Variants in TAS1R1 observed in about 807,000 individuals in gnomAD.
TAS1R1 encodes the protein taste 1 receptor member 1, also known as taste receptor type 1 member 1.
TAS1R1 carries 31 observed loss-of-function variants against 45.8 expected under a neutral mutation model. The observed-to-expected ratio is 0.68, with a 90% CI of 0.51 to 0.91. TAS1R1 has a LOEUF of 0.91. TAS1R1 is among the 40% of genes least tolerant of loss of function. TAS1R1 has a pLI of 0.00. For missense variants in TAS1R1, 1,051 were observed against 1,063.9 expected (o/e 0.99, Z 0.17); for synonymous variants, 437 against 448.4 (o/e 0.97, Z 0.32).
intron 1 of TAS1R1, among the ~76,000 whole-genome samples, chr1:6,561,742 T>C (rs188471714): frequency 5.4e-5 from 8 of 147,810 alleles, no homozygotes; most frequent in South Asian, 2.1e-4. Flanking sequence ...CTATTTGGGA[T>C]TGGAGAGTAA....
rs1263899622 is a variant in TAS1R1 at position 6,576,900 on chromosome 1, G to A, written c.1474-50G>A. The stretch of plus-strand genomic sequence containing the variant: ...ATTCTGTTTTCTGTTCCACATGTGA[G>A]CTGTCCTTTGACTTGGGCCCCTACG... On this transcript the variant is annotated intron_variant, in intron 4 of 5. Transcript: ENST00000333172. The A allele has an allele frequency of 3.1e-6, 5 of 1,613,406 alleles. No homozygotes were observed. The African/African-American group carries it at 5.3e-5, about 17-fold the overall frequency.
intron 1 of TAS1R1, among the ~76,000 whole-genome samples, chr1:6,557,334 G>A (rs896985423): frequency 6.6e-5 from 10 of 152,080 alleles, no homozygotes; most frequent in Non-Finnish European, 1.3e-4. Flanking sequence ...TCCGTTGAGA[G>A]ACTCGGGACA....
At chr1:6,573,054 C>A (rs1029146581) in intron 2 of TAS1R1, among the ~76,000 whole-genome samples, 4 of 152,340 alleles carry the variant, frequency 2.6e-5, no homozygotes, top group Non-Finnish European at 4.4e-5. Flanking sequence ...ACCAGCATCA[C>A]CCCTCAGCTA....
At chr1:6,562,219 A>G (rs905137269) in intron 1 of TAS1R1, among the ~76,000 whole-genome samples, 3 of 152,174 alleles carry the variant, frequency 2.0e-5, no homozygotes, top group Non-Finnish European at 4.4e-5. Context: ...CCCAGGCTAG[A>G]GTGTAATGCC....
intron 2 of TAS1R1, among the ~76,000 whole-genome samples, chr1:6,571,766 G>A (rs2148673043): frequency 6.6e-6 from 1 of 152,266 alleles, no homozygotes; most frequent in Non-Finnish European, 1.5e-5. Flanking sequence ...GTTGCAGTGA[G>A]CTGAGATTGC....
In TAS1R1 at chr1:6,576,999, TGGTTACG is replaced by T; in HGVS notation, c.1528_1534del (p.Thr510SerfsTer81). On this transcript the variant is annotated frameshift_variant, in exon 5 of 6. Transcript: ENST00000333172. LOFTEE classifies it high-confidence loss of function. ...GACTGTCTTGAAGGGCACCAGCGAG[TGGTTACG>T]GGTTTCCATCACTGCTGCTTTGAGT... 6.2e-7 allele frequency: 1 copy of T among 1,614,168 alleles called. No individual in the cohort carries two copies. The highest frequency in any genetic ancestry group is 8.5e-7 in the Non-Finnish European group (1 of 1,180,022).
At chr1:6,570,579 G>A (rs1016143925) in intron 1 of TAS1R1, among the ~76,000 whole-genome samples, 6 of 152,248 alleles carry the variant, frequency 3.9e-5, no homozygotes, top group African/African-American at 1.4e-4. Flanking sequence ...GGCCTGTCCT[G>A]TAAAATTTGA....
intron 5 of TAS1R1, among the ~76,000 whole-genome samples, chr1:6,577,529 A>G (rs1285666838): frequency 2.1e-5 from 3 of 143,356 alleles, no homozygotes; most frequent in African/African-American, 7.9e-5. Context: ...TCGTCCCCCC[A>G]AAAAAAGAAA....
Position 6,574,603 on chromosome 1 carries a change from T to G in TAS1R1, c.499-28T>G, listed in dbSNP as rs1046822086. On this transcript the variant is annotated intron_variant, in intron 2 of 5. Coordinates refer to ENST00000333172, the MANE Select transcript of TAS1R1 (RefSeq NM_138697.4). The surrounding 1 kb of genome is among the most constrained non-coding windows in gnomAD (Gnocchi z 4.3). ...CACTGGGGGGGCCTTCAGTGGAGACTGAAATGGCTGAACGGGACCTCCCAT... is the reference window on the plus strand; with the variant it reads ...CACTGGGGGGGCCTTCAGTGGAGACGGAAATGGCTGAACGGGACCTCCCAT... The G allele has an allele frequency of 3.2e-6, 5 of 1,570,640 alleles. No individual in the cohort carries two copies. The highest frequency in any genetic ancestry group is 1.7e-5 in the Admixed American group (1 of 57,716).
At position 6,575,029 on chromosome 1, in the gene TAS1R1, C is replaced by G; in HGVS notation, c.897C>G (p.Ala299=). 6.3e-7 allele frequency: 1 copy of G among 1,586,320 alleles called. No homozygotes were observed. The highest frequency in any genetic ancestry group is 8.6e-7 in the Non-Finnish European group (1 of 1,164,632). ...LTNLTGKVWV[A]SEAWALSRHI... ...ACCTGACTGGCAAGGTGTGGGTCGCCTCAGAAGCCTGGGCCCTCTCCAGGC... is the reference window on the plus strand; with the variant it reads ...ACCTGACTGGCAAGGTGTGGGTCGCGTCAGAAGCCTGGGCCCTCTCCAGGC... Residue 299 remains alanine (A), a synonymous_variant, in exon 3 of 6, where the codon GCC becomes GCG. Transcript: ENST00000333172.
rs1219536629 is a variant in TAS1R1 at position 6,576,517 on chromosome 1, G to A, written c.1363G>A (p.Asp455Asn). 6.2e-7 allele frequency: 1 copy of A among 1,614,276 alleles called. No individual in the cohort carries two copies. Among genetic ancestry groups the A allele is most frequent in the East Asian group, 2.2e-5 (1 of 44,894 alleles). ...PLSSYNIIAWDWNGPKWTFTV... is the reference protein window; with the variant it reads ...PLSSYNIIAWNWNGPKWTFTV... Reference sequence around the variant, plus strand: ...CAGTAGCTATAACATAATTGCCTGGGACTGGAATGGACCCAAGTGGACCTT... The same window carrying A: ...CAGTAGCTATAACATAATTGCCTGGAACTGGAATGGACCCAAGTGGACCTT... The change falls in exon 4 of 6, where the codon GAC becomes AAC. Residue 455 changes from aspartate to asparagine, a missense_variant. By Grantham distance (23) the Asp-to-Asn change is conservative. Transcript: ENST00000333172.
intron 1 of TAS1R1, 103 bp from the exon 2 acceptor site, chr1:6,570,806 C>A: frequency 2.8e-6 from 3 of 1,070,924 alleles, no homozygotes; most frequent in Non-Finnish European, 4.1e-6. Context: ...GGACCGATGA[C>A]CTCAAAGGTT....
intron 1 of TAS1R1, among the ~76,000 whole-genome samples, chr1:6,564,577 C>T (rs1639843241): frequency 6.6e-6 from 1 of 152,018 alleles, no homozygotes. Flanking sequence ...ATGCCATTTG[C>T]CCTTTCAACT....
At chr1:6,575,423 A>T in intron 3 of TAS1R1, 31 bp downstream of exon 3, 1 of 1,521,778 alleles carries the variant, frequency 6.6e-7, no homozygotes. Flanking sequence ...ACCTCCTGTC[A>T]GGGAGAACAG....
Position 6,562,790 on chromosome 1 carries a change from A to G in TAS1R1, c.191+7226A>G, listed in dbSNP as rs370979575. ...TTGGTAGGGAAGCAGACATAGGTTG[A>G]GGTTCCACACAAGAAAAATGTACCT... is the stretch of plus-strand genomic sequence containing the variant. On this transcript the variant is annotated intron_variant, in intron 1 of 5. Transcript: ENST00000333172. Among the ~76,000 whole-genome samples the G allele has an allele frequency of 5.9e-5, 9 of 152,312 alleles. No homozygotes were observed. In the East Asian group the frequency reaches 1.5e-3, roughly 26 times the overall value.
At chr1:6,565,048 G>A (rs1471368193) in intron 1 of TAS1R1, among the ~76,000 whole-genome samples, 2 of 152,126 alleles carry the variant, frequency 1.3e-5, no homozygotes, top group East Asian at 1.9e-4. Flanking sequence ...GGCACGCACC[G>A]ATATGGAAGG....
intron 1 of TAS1R1, among the ~76,000 whole-genome samples, chr1:6,563,044 A>G (rs904749548): frequency 1.3e-5 from 2 of 152,132 alleles, no homozygotes; most frequent in Non-Finnish European, 2.9e-5. Context: ...GGGTATAAGG[A>G]GGCATTTGGC....
chr1:6,567,421 G>A (rs1042936485), intron 1 of TAS1R1, among the ~76,000 whole-genome samples: 5 of 152,234 alleles, frequency 3.3e-5, no homozygotes, highest in South Asian at 2.1e-4. Flanking sequence ...TTAGCCAGGC[G>A]TGGTGGTGTG....
Position 6,574,839 on chromosome 1 carries a change from G to A in TAS1R1, c.707G>A (p.Gly236Glu), listed in dbSNP as rs1557809083. Residue 236 changes from glycine to glutamate, a missense_variant, in exon 3 of 6, where the codon GGG (glycine) becomes GAG (glutamate). Coordinates refer to ENST00000333172, the MANE Select transcript of TAS1R1 (RefSeq NM_138697.4). This position sits in a 1 kb window ranked among gnomAD's most constrained non-coding sequence, Gnocchi z 4.3. The part of the protein sequence containing the change: ...QALENQATGQ[G>E]ICIAFKDIMP... ...CTGGAGAACCAGGCCACTGGTCAGG[G>A]GATCTGCATTGCTTTCAAGGACATC... 2 of 1,614,264 alleles carry A rather than the reference G, an allele frequency of 1.2e-6. No homozygotes were observed. The highest frequency in any genetic ancestry group is 1.7e-6 in the Non-Finnish European group (2 of 1,180,048).
Sources: gnomAD v4.1 joint callset for allele counts (sites outside exome capture counted in the v4.1 genomes callset) on GRCh38, gnomAD v4.1.1 for gene constraint, Gnocchi (gnomAD v3.1) non-coding constraint, MANE v1.5 for transcripts, NCBI Gene and HGNC (gene_info 2026-07-23, HGNC 2026-07-21) for gene names.